DHRSX: variants seen among roughly 807,000 people sequenced by gnomAD.
DHRSX encodes polyprenol dehydrogenase.
DHRSX carries 31 observed loss-of-function variants against 34.0 expected under a neutral mutation model. That is an observed-to-expected ratio of 0.91 (90% confidence interval 0.69 to 1.23). The LOEUF (loss-of-function observed/expected upper bound fraction) is 1.23, where lower values mean the gene tolerates loss of function less well. Ranked by LOEUF, DHRSX falls within the 50% of genes most tolerant of loss-of-function variation. DHRSX has a pLI of 0.00. For missense variants in DHRSX, 414 were observed against 428.1 expected (o/e 0.97, Z 0.29); for synonymous variants, 201 against 183.8 (o/e 1.09, Z -0.76).
chrX:2,246,355 G>T (rs1053716525), intron 5 of DHRSX, among the ~76,000 whole-genome samples: 16 of 152,094 alleles, frequency 1.1e-4, no homozygotes, highest in African/African-American at 3.6e-4. Flanking sequence ...TGGGTGCGTT[G>T]GCTCATGCCT....
chrX:2,363,543 G>A (rs2042961703), intron 3 of DHRSX, among the ~76,000 whole-genome samples: 1 of 146,228 alleles, frequency 6.8e-6, no homozygotes, highest in Non-Finnish European at 1.5e-5. Context: ...ATGATATCAT[G>A]CCGCCATTTT....
At chrX:2,479,007 A>G (rs373548500) in intron 1 of DHRSX, among the ~76,000 whole-genome samples, 10 of 151,784 alleles carry the variant, frequency 6.6e-5, no homozygotes, top group African/African-American at 2.4e-4. Context: ...GATGGCCACC[A>G]TGTACACACT....
At chrX:2,342,291 C>A (rs1358192555) in intron 3 of DHRSX, among the ~76,000 whole-genome samples, 1 of 152,030 alleles carries the variant, frequency 6.6e-6, no homozygotes, top group Admixed American at 6.6e-5. Flanking sequence ...TTGGTGTTGC[C>A]AAAGCAAGCC....
At chrX:2,353,084 AAAATAC>A (rs367957843) in intron 3 of DHRSX, among the ~76,000 whole-genome samples, 4 of 152,184 alleles carry the variant, frequency 2.6e-5, no homozygotes, top group African/African-American at 9.7e-5. Flanking sequence ...TTTACAAAAA[AAAATAC>A]AAATATTAGC....
intron 1 of DHRSX, among the ~76,000 whole-genome samples, chrX:2,499,907 G>A (rs1282421010): frequency 2.0e-5 from 3 of 152,140 alleles, no homozygotes; most frequent in African/African-American, 7.2e-5. Flanking sequence ...GTCGGATGCA[G>A]TAGCTGGTGC....
chrX:2,358,554 C>T (rs373566268), intron 3 of DHRSX, among the ~76,000 whole-genome samples: 6 of 152,006 alleles, frequency 3.9e-5, no homozygotes, highest in African/African-American at 1.4e-4. Context: ...AAAAAATTAG[C>T]CAGGCATGGT....
chrX:2,323,719 C>G (rs2042340952), intron 3 of DHRSX, among the ~76,000 whole-genome samples: 1 of 152,120 alleles, frequency 6.6e-6, no homozygotes, highest in African/African-American at 2.4e-5. Context: ...TCGTGAGCCA[C>G]AGTCACACCA....
At chrX:2,474,918 G>T (rs1178339762) in intron 1 of DHRSX, among the ~76,000 whole-genome samples, 1 of 151,392 alleles carries the variant, frequency 6.6e-6, no homozygotes, top group East Asian at 2.0e-4. Flanking sequence ...TGTACACACT[G>T]AAGACGTTCC....
chrX:2,472,694 G>A (rs1025842342), intron 1 of DHRSX, among the ~76,000 whole-genome samples: 45 of 152,054 alleles, frequency 3.0e-4, no homozygotes, highest in African/African-American at 9.4e-4. Context: ...CTTGGAACCC[G>A]GGAGACGGAG....
intron 3 of DHRSX, among the ~76,000 whole-genome samples, chrX:2,321,439 G>A (rs1048109773): frequency 2.4e-4 from 37 of 152,084 alleles, no homozygotes; most frequent in African/African-American, 7.5e-4. Context: ...AAACCCTAAT[G>A]CCAAAGGGGA....
At chrX:2,446,051 G>T (rs1203409911) in intron 1 of DHRSX, among the ~76,000 whole-genome samples, 3 of 151,750 alleles carry the variant, frequency 2.0e-5, no homozygotes, top group Non-Finnish European at 4.4e-5. Context: ...TAAGTTTGTG[G>T]CTAAGGGACC....
intron 3 of DHRSX, among the ~76,000 whole-genome samples, chrX:2,347,073 G>C (rs1238875312): frequency 2.0e-5 from 3 of 152,038 alleles, no homozygotes; most frequent in Non-Finnish European, 2.9e-5. Context: ...ATATAGATAA[G>C]GATGGATAAA....
intron 1 of DHRSX, among the ~76,000 whole-genome samples, chrX:2,474,604 T>C (rs1426604261): frequency 4.1e-5 from 6 of 147,206 alleles, no homozygotes; most frequent in Non-Finnish European, 9.0e-5. Flanking sequence ...AGCTTGTGGC[T>C]AAGGGACGGC....
intron 1 of DHRSX, chrX:2,487,725 C>T (rs1257097273): frequency 6.6e-6 from 1 of 152,124 alleles, no homozygotes; most frequent in Admixed American, 6.6e-5. Flanking sequence ...CAACACATTC[C>T]ACACTTTTTT....
chrX:2,247,482 G>A (rs2016324483), intron 5 of DHRSX, among the ~76,000 whole-genome samples: 1 of 151,144 alleles, frequency 6.6e-6, no homozygotes, highest in Admixed American at 6.6e-5. Context: ...GTGAAACCTC[G>A]TCTCTACTAA....
intron 5 of DHRSX, among the ~76,000 whole-genome samples, chrX:2,248,990 C>T (rs1304470291): frequency 6.6e-6 from 1 of 152,084 alleles, no homozygotes; most frequent in East Asian, 1.9e-4. Context: ...TATTCATCTG[C>T]TTTTGCAAGT....
chrX:2,380,143 A>G (rs190833660), intron 3 of DHRSX, among the ~76,000 whole-genome samples: 1 of 151,894 alleles, frequency 6.6e-6, no homozygotes, highest in Non-Finnish European at 1.5e-5. Context: ...AAAAATACAG[A>G]GCTTAGCTGT....
At chrX:2,237,185 T>TA (rs201534181) in intron 6 of DHRSX, among the ~76,000 whole-genome samples, 187 of 151,698 alleles carry the variant, frequency 1.2e-3, no homozygotes, top group African/African-American at 4.1e-3. Context: ...GGTTCCATCT[T>TA]AAAAAAAATA....
At chrX:2,324,296 T>C (rs1326595940) in intron 3 of DHRSX, among the ~76,000 whole-genome samples, 1 of 152,144 alleles carries the variant, frequency 6.6e-6, no homozygotes, top group Non-Finnish European at 1.5e-5. Context: ...GCATGAAGCC[T>C]GTCTGTGAGT....
Sources: allele counts gnomAD v4.1 joint callset (sites outside exome capture counted in the v4.1 genomes callset), GRCh38; gene constraint gnomAD v4.1.1; transcripts MANE v1.5; gene names NCBI Gene and HGNC (gene_info 2026-07-23, HGNC 2026-07-21).